Variants in TSHR observed in about 807,000 individuals in gnomAD.
TSHR encodes thyroid stimulating hormone receptor, also known as thyrotropin receptor.
TSHR carries 51 observed loss-of-function variants against 64.1 expected under a neutral mutation model. That is an observed-to-expected ratio of 0.80 (90% confidence interval 0.64 to 1.01). The LOEUF (loss-of-function observed/expected upper bound fraction) is 1.01. Among genes scored for constraint, TSHR ranks in the 50% least tolerant of loss-of-function variants. TSHR has a pLI of 0.00. For synonymous variants in TSHR, 361 were observed against 361.9 expected, an observed-to-expected ratio of 1.00 and a Z score of 0.03; for missense variants, 877 against 942.8, an observed-to-expected ratio of 0.93 and a Z score of 0.91.
At chr14:81,132,470 T>C (rs1221992385) in intron 8 of TSHR, among the ~76,000 whole-genome samples, 1 of 152,226 alleles carries the variant, frequency 6.6e-6, no homozygotes, top group Non-Finnish European at 1.5e-5. Flanking sequence ...CGTAGTTAGC[T>C]CTTTTTTTTC....
At chr14:80,961,178 T>G (rs758511755) in intron 1 of TSHR, among the ~76,000 whole-genome samples, 13 of 152,226 alleles carry the variant, frequency 8.5e-5, no homozygotes, top group Non-Finnish European at 1.5e-4. Context: ...GCTCATTACT[T>G]CCTTCATTCT....
rs138581944 is a variant in TSHR at position 80,969,345 on chromosome 14, A to G, written c.170+13495A>G. ...TTGAGGCAATGCTGTACACGTTTTC[A>G]TACTGGTAGATCAGGTATTTTATAA... is the stretch of plus-strand genomic sequence containing the variant. On this transcript the variant is annotated intron_variant, in intron 1 of 9. Coordinates refer to ENST00000298171, the MANE Select transcript of TSHR (RefSeq NM_000369.5). Among the ~76,000 whole-genome samples the G allele has an allele frequency of 3.3e-3, 509 of 152,332 alleles. 6 individuals carry two copies. The highest frequency in any genetic ancestry group is 0.012 in the African/African-American group (493 of 41,560).
Position 81,061,878 on chromosome 14 carries a change from G to A in TSHR, c.171-270G>A, listed in dbSNP as rs760477943. Among the ~76,000 whole-genome samples the A allele has an allele frequency of 1.1e-3, 171 of 151,972 alleles. 3 individuals carry two copies. Among genetic ancestry groups the A allele is most frequent in the Non-Finnish European group, 3.5e-4 (24 of 67,980 alleles). On this transcript the variant is annotated intron_variant, in intron 1 of 9. Transcript: ENST00000298171. ...TCAGTTAACAAATAAAGTGTGATGC[G>A]AGGCAAGACATATTAGTTTACTGCT...
chr14:80,997,434 G>C (rs967785640), intron 1 of TSHR, among the ~76,000 whole-genome samples: 2 of 152,086 alleles, frequency 1.3e-5, no homozygotes, highest in Non-Finnish European at 2.9e-5. Flanking sequence ...CTTACAAAAT[G>C]TAAAGGATTT....
At chr14:80,957,948 G>C (rs181323813) in intron 1 of TSHR, 1 of 152,112 alleles carries the variant, frequency 6.6e-6, no homozygotes, top group Non-Finnish European at 1.5e-5. Flanking sequence ...TAATGGAGAG[G>C]GAGGTAGTAT....
At chr14:81,127,855 A>G (rs1328518238) in intron 8 of TSHR, among the ~76,000 whole-genome samples, 1 of 152,196 alleles carries the variant, frequency 6.6e-6, no homozygotes, top group African/African-American at 2.4e-5. Flanking sequence ...TGGAACTGTG[A>G]GTCCATTAAA....
chr14:81,120,923 A>C (rs1890762837), intron 8 of TSHR, among the ~76,000 whole-genome samples: 1 of 152,156 alleles, frequency 6.6e-6, no homozygotes, highest in South Asian at 2.1e-4. Context: ...AAAACATGAA[A>C]GCCAAAACCA....
At chr14:81,115,853 A>G (rs1890478500) in intron 8 of TSHR, among the ~76,000 whole-genome samples, 1 of 152,166 alleles carries the variant, frequency 6.6e-6, no homozygotes, top group Non-Finnish European at 1.5e-5. Flanking sequence ...CCTACAAGCC[A>G]GAAGAGAGTG....
chr14:80,964,608 G>C (rs947334949), intron 1 of TSHR, among the ~76,000 whole-genome samples: 1 of 152,162 alleles, frequency 6.6e-6, no homozygotes, highest in Non-Finnish European at 1.5e-5. Flanking sequence ...TGTGCTCTTA[G>C]GAATCTGTGG....
chr14:81,006,342 G>A (rs1164401522), intron 1 of TSHR, among the ~76,000 whole-genome samples: 2 of 151,862 alleles, frequency 1.3e-5, no homozygotes, highest in Non-Finnish European at 2.9e-5. Flanking sequence ...GCTTTTCTGG[G>A]GCATCTCTCC....
intron 1 of TSHR, among the ~76,000 whole-genome samples, chr14:81,059,007 T>C (rs998365030): frequency 4.6e-5 from 7 of 152,050 alleles, no homozygotes; most frequent in African/African-American, 1.7e-4. Flanking sequence ...ACAAAACTAC[T>C]GCAAATCAAA....
intron 1 of TSHR, chr14:81,012,597 G>C (rs1179600057): frequency 2.0e-5 from 3 of 152,014 alleles, no homozygotes; most frequent in African/African-American, 2.4e-5. Context: ...TCCTCTCCAG[G>C]ACTTGTTGTT....
chr14:81,114,327 G>C (rs148177392), intron 8 of TSHR, among the ~76,000 whole-genome samples: 1 of 152,162 alleles, frequency 6.6e-6, no homozygotes, highest in Non-Finnish European at 1.5e-5. Context: ...TGCGTGCACT[G>C]TGCGCGAGCC....
chr14:80,992,595 C>G (rs1449697541), intron 1 of TSHR: 1 of 151,980 alleles, frequency 6.6e-6, no homozygotes, highest in African/African-American at 2.4e-5. Context: ...TATGACCCCC[C>G]CAAACCCAAA....
chr14:81,085,823 C>G lies in TSHR; in HGVS notation c.318-2131C>G, dbSNP rs188166347. Among the ~76,000 whole-genome samples, 470 of 152,256 alleles carry G rather than the reference C, an allele frequency of 3.1e-3. 5 individuals carry two copies. The highest frequency in any genetic ancestry group is 0.011 in the African/African-American group (460 of 41,540). ...CAAACCCTCCTCCCCCAATGGAAAG[C>G]TCTGGCAAGGAGTTTATTGCTCACC... On this transcript the variant is annotated intron_variant, in intron 3 of 9. Transcript: ENST00000298171.
chr14:80,979,834 C>T (rs1888077442), intron 1 of TSHR, among the ~76,000 whole-genome samples: 1 of 152,082 alleles, frequency 6.6e-6, no homozygotes, highest in African/African-American at 2.4e-5. Context: ...GAGTTCTCAC[C>T]ACTAACATTT....
At chr14:81,025,051 G>T (rs2139809269) in intron 1 of TSHR, among the ~76,000 whole-genome samples, 1 of 152,266 alleles carries the variant, frequency 6.6e-6, no homozygotes, top group Admixed American at 6.5e-5. Flanking sequence ...ACAGGAGCTG[G>T]CTATGACATT....
chr14:81,143,236 G>A lies in TSHR; in HGVS notation c.1178G>A (p.Ser393Asn), dbSNP rs1452747853. The change falls in exon 10 of 10, where the codon AGT becomes AAT. Residue 393 changes from serine to asparagine, a missense_variant. Transcript: ENST00000298171. ...TATGACTACACCATATGTGGGGACA[G>A]TGAAGACATGGTGTGTACCCCCAAG... ...SHYDYTICGDSEDMVCTPKSD... is the reference protein window; with the variant it reads ...SHYDYTICGDNEDMVCTPKSD... 6.2e-7 allele frequency: 1 copy of A among 1,614,220 alleles called. No individual in the cohort carries two copies.
chr14:81,073,535 G>A (rs1269733799), intron 3 of TSHR, among the ~76,000 whole-genome samples: 1 of 152,070 alleles, frequency 6.6e-6, no homozygotes, highest in Non-Finnish European at 1.5e-5. Flanking sequence ...TCTCTAACTA[G>A]TAAATAACCT....
Sources: gnomAD v4.1 joint callset for allele counts (sites outside exome capture counted in the v4.1 genomes callset) on GRCh38, gnomAD v4.1.1 for gene constraint, MANE v1.5 for transcripts, NCBI Gene and HGNC (gene_info 2026-07-23, HGNC 2026-07-21) for gene names.